FAM153A: variants seen among roughly 807,000 people sequenced by gnomAD.
FAM153A encodes the protein family with sequence similarity 153 member A, also known as protein FAM153A.
A neutral mutation model predicts 48.1 loss-of-function variants in FAM153A; 12 were observed. The observed-to-expected ratio is 0.25, with a 90% CI of 0.16 to 0.40. The LOEUF is 0.40. Among genes scored for constraint, FAM153A ranks in the 10% least tolerant of loss-of-function variants. The probability of loss-of-function intolerance (pLI) is 1.00; values close to 1 mark genes in which losing one functional copy is unlikely to be tolerated. For missense variants in FAM153A, 111 were observed against 345.8 expected (o/e 0.32, Z 5.38); for synonymous variants, 36 against 118.2 (o/e 0.30, Z 4.51).
chr5:177,709,257 CTTTT>C (rs59687881), downstream of FAM153A, among the ~76,000 whole-genome samples: 375 of 116,370 alleles, frequency 3.2e-3, 6 homozygotes, highest in South Asian at 0.035. Flanking sequence ...AAAAAGGAAT[CTTTT>C]TTTTTTTTTT....
intron 16 of FAM153A, among the ~76,000 whole-genome samples, chr5:177,730,516 G>A (rs1763613992): frequency 8.9e-6 from 1 of 112,714 alleles, no homozygotes; most frequent in African/African-American, 3.0e-5. Context: ...TGACATTAAT[G>A]GTCACACTAA....
chr5:177,701,152 T>G, the FAM153A span, among the ~76,000 whole-genome samples: 1 of 151,890 alleles, frequency 6.6e-6, no homozygotes. Context: ...TGCCTTGCTC[T>G]GCCTTTACCT....
At chr5:177,743,595 G>A (rs868667403) in intron 6 of FAM153A, among the ~76,000 whole-genome samples, 30 of 99,732 alleles carry the variant, frequency 3.0e-4, no homozygotes, top group Middle Eastern at 5.4e-3. Context: ...TCTCTTCTCA[G>A]TTTCCCAGCA....
chr5:177,773,964 TAAAGA>T (rs1769273628), intron 1 of FAM153A, among the ~76,000 whole-genome samples: 2 of 104,676 alleles, frequency 1.9e-5, no homozygotes, highest in South Asian at 4.3e-4. Flanking sequence ...TCAACATTCT[TAAAGA>T]AAAGAATTTT....
chr5:177,754,685 C>T (rs907583983), upstream of FAM153A, among the ~76,000 whole-genome samples: 36 of 151,858 alleles, frequency 2.4e-4, no homozygotes, highest in Admixed American at 5.9e-4. Flanking sequence ...CCTCAATATT[C>T]GCTGTTCTGC....
At chr5:177,701,063 GAGTTCCCTTGAGATCTGTTTGTTTAAA>G in the FAM153A span, among the ~76,000 whole-genome samples, 1 of 151,652 alleles carries the variant, frequency 6.6e-6, no homozygotes, top group Non-Finnish European at 1.5e-5. Context: ...TCGTGATAGT[GAGTTCCCTTGAGATCTGTTTGTTTAAA>G]AGTGTATAGT....
intron 1 of FAM153A, among the ~76,000 whole-genome samples, chr5:177,768,946 G>A (rs1341316140): frequency 4.1e-5 from 4 of 97,640 alleles, no homozygotes; most frequent in East Asian, 3.1e-4. Flanking sequence ...AGAACCAGCC[G>A]GGTGCAGTGG....
downstream of FAM153A, chr5:177,708,147 G>C (rs182207782): frequency 6.5e-6 from 1 of 153,638 alleles, no homozygotes; most frequent in Non-Finnish European, 1.5e-5. Context: ...GTACCAAAAA[G>C]CATTGATGAA....
At chr5:177,712,876 A>G (rs1452109113) in exon 27 of FAM153A, 2 of 151,726 alleles carry the variant, frequency 1.3e-5, no homozygotes, top group African/African-American at 4.9e-5. Context: ...AGTTCTGTAC[A>G]ACTGAGCCTC....
intron 4 of FAM153A, among the ~76,000 whole-genome samples, chr5:177,745,985 A>ACAT (rs1158713716): frequency 3.3e-5 from 5 of 149,796 alleles, no homozygotes; most frequent in Admixed American, 1.3e-4. Flanking sequence ...TCATTCTTCC[A>ACAT]GCACACAGAA....
intron 12 of FAM153A, among the ~76,000 whole-genome samples, 170 bp from the exon 15 acceptor site, chr5:177,735,103 T>A (rs2005363): frequency 0.37 from 53,257 of 142,160 alleles, 11,233 homozygotes; most frequent in East Asian, 0.54. Context: ...CATAAACATA[T>A]AATAGCCAAT....
Position 177,778,403 on chromosome 5 carries a change from C to G in FAM153A, c.-57+2046G>C, listed in dbSNP as rs577133636. On this transcript the variant is annotated intron_variant, in intron 1 of 8. Transcript: ENST00000393518. ...AATATGTTCTACAATATGAATGTTT[C>G]TAGAAAAAAAAAAAAATGAAAAGGT... is the stretch of plus-strand genomic sequence containing the variant. Among the ~76,000 whole-genome samples, 14 of 87,412 alleles carry G rather than the reference C, an allele frequency of 1.6e-4. 5 individuals carry two copies. Among genetic ancestry groups the G allele is most frequent in the African/African-American group, 6.7e-4 (14 of 20,976 alleles). The allele number at this position is 87,412 out of a possible 152,430, so 57.3% of individuals were successfully genotyped here. A position where few individuals can be genotyped will look rare whatever the true frequency, so the allele number is the denominator to read the frequency against.
At chr5:177,708,863 G>C (rs1366488949), downstream of FAM153A, among the ~76,000 whole-genome samples, 2 of 151,618 alleles carry the variant, frequency 1.3e-5, no homozygotes, top group Non-Finnish European at 2.9e-5. Flanking sequence ...GGGAAGCCCA[G>C]GCAGGTGGAT....
At chr5:177,710,212 G>A (rs1289358733), downstream of FAM153A, among the ~76,000 whole-genome samples, 2 of 150,832 alleles carry the variant, frequency 1.3e-5, 1 homozygote, top group African/African-American at 4.9e-5. Flanking sequence ...TCCTGGGTTC[G>A]AGAAATTATT....
the FAM153A span, among the ~76,000 whole-genome samples, chr5:177,701,213 A>G: frequency 2.0e-5 from 3 of 151,768 alleles, no homozygotes; most frequent in African/African-American, 7.3e-5. Context: ...AGAAGCCACT[A>G]TGCTTCCTGT....
At chr5:177,753,365 T>C, upstream of FAM153A, 1 of 547,600 alleles carries the variant, frequency 1.8e-6, no homozygotes, top group Non-Finnish European at 3.2e-6. Flanking sequence ...GGGGCCCAAC[T>C]GCTGTGATCT....
chr5:177,700,306 A>T, the FAM153A span, among the ~76,000 whole-genome samples: 1 of 151,928 alleles, frequency 6.6e-6, no homozygotes, highest in Non-Finnish European at 1.5e-5. Flanking sequence ...TTCACTCATT[A>T]TTTCTATTAA....
chr5:177,704,605 G>A (rs1757713063), downstream of FAM153A, among the ~76,000 whole-genome samples: 1 of 151,398 alleles, frequency 6.6e-6, no homozygotes, highest in Admixed American at 6.6e-5. Context: ...ATGGTGGGAG[G>A]TGATTGGATC....
downstream of FAM153A, among the ~76,000 whole-genome samples, chr5:177,718,961 A>G (rs1250124134): frequency 6.6e-6 from 1 of 151,366 alleles, no homozygotes; most frequent in Non-Finnish European, 1.5e-5. Context: ...GCTCACTGCA[A>G]TCTTCACCTC....
Sources: allele counts gnomAD v4.1 joint callset (sites outside exome capture counted in the v4.1 genomes callset), GRCh38; gene constraint gnomAD v4.1.1; transcripts MANE v1.5; gene names NCBI Gene and HGNC (gene_info 2026-07-23, HGNC 2026-07-21).